Variants in AKR1C2 observed in about 807,000 individuals in gnomAD.
AKR1C2 encodes aldo-keto reductase family 1 member C2, also known as 3-alpha-HSD3.
Under a neutral mutation model 39.8 loss-of-function variants are expected in AKR1C2, and 27 were observed. The ratio of observed to expected loss-of-function variants is 0.68; its 90% CI spans 0.50 to 0.93. The LOEUF (loss-of-function observed/expected upper bound fraction) is 0.93. Among genes scored for constraint, AKR1C2 ranks in the 40% least tolerant of loss-of-function variants. The probability of loss-of-function intolerance (pLI) is 0.00; values close to 1 mark genes in which losing one functional copy is unlikely to be tolerated. For missense variants in AKR1C2, 263 were observed against 365.1 expected, an observed-to-expected ratio of 0.72 and a Z score of 2.28; for synonymous variants, 114 against 137.9, an observed-to-expected ratio of 0.83 and a Z score of 1.22.
intron 1 of AKR1C2, among the ~76,000 whole-genome samples, chr10:5,010,848 A>G (rs1172916888): frequency 2.0e-5 from 3 of 152,214 alleles, no homozygotes; most frequent in Admixed American, 1.3e-4. Flanking sequence ...AACTGGAAAT[A>G]AATCAAAGTC....
Position 5,002,470 on chromosome 10 carries a change from G to A in AKR1C2, c.85-789C>T, listed in dbSNP as rs140144784. Among the ~76,000 whole-genome samples the A allele has an allele frequency of 2.4e-4, 36 of 152,276 alleles. No individual in the cohort carries two copies. In the East Asian group the frequency reaches 6.6e-3, roughly 28 times the overall value. ...GTCTGCATAACAGAACCAAATACTA[G>A]GAGTAAAGATGTATACTCTAAGGAT... On this transcript the variant is annotated intron_variant, in intron 1 of 8. Coordinates refer to ENST00000380753, the MANE Select transcript of AKR1C2 (RefSeq NM_001393392.1).
chr10:5,006,954 A>G (rs569498155), upstream of AKR1C2, among the ~76,000 whole-genome samples: 21 of 150,654 alleles, frequency 1.4e-4, no homozygotes, highest in East Asian at 4.1e-3. Flanking sequence ...TTGTATTTTT[A>G]GTAGAGACAG....
intron 1 of AKR1C2, among the ~76,000 whole-genome samples, chr10:5,013,875 T>G (rs1371513368): frequency 6.6e-6 from 1 of 152,196 alleles, no homozygotes; most frequent in African/African-American, 2.4e-5. Flanking sequence ...TCCCTTTATT[T>G]CATCCTCTGG....
At chr10:5,007,727 A>C (rs1554774557), upstream of AKR1C2, among the ~76,000 whole-genome samples, 1 of 151,596 alleles carries the variant, frequency 6.6e-6, no homozygotes, top group African/African-American at 2.4e-5. Context: ...TAAATGTCTA[A>C]AATGCAAAGA....
Position 4,995,774 on chromosome 10 carries a change from G to A in AKR1C2, c.662C>T (p.Ser221Phe). The A allele has an allele frequency of 6.2e-7, 1 of 1,611,488 alleles. No homozygotes were observed. The highest frequency in any genetic ancestry group is 8.5e-7 in the Non-Finnish European group (1 of 1,179,382). ...TTATTACCATGGTTCTTCTCGATGGGATCCCAGAGCACTATAGGCAACCAG... is the reference window on the plus strand; with the variant it reads ...TTATTACCATGGTTCTTCTCGATGGAATCCCAGAGCACTATAGGCAACCAG... ...IVLVAYSALG[S>F]HREEPWVDPN... Residue 221 changes from serine to phenylalanine, a missense_variant, in exon 6 of 9, where the codon TCC (serine) becomes TTC (phenylalanine). Transcript: ENST00000380753.
At chr10:5,002,384 G>A (rs1469013531) in intron 1 of AKR1C2, among the ~76,000 whole-genome samples, 2 of 152,200 alleles carry the variant, frequency 1.3e-5, no homozygotes, top group African/African-American at 2.4e-5. Context: ...TTGGAAATAG[G>A]CACATCTATG....
At chr10:5,003,671 G>A in intron 1 of AKR1C2, 81 bp downstream of exon 1, 3 of 1,352,016 alleles carry the variant, frequency 2.2e-6, no homozygotes, top group Non-Finnish European at 3.2e-6. Flanking sequence ...GAGTAACATA[G>A]GAACACAAGC....
intron 2 of AKR1C2, 64 bp downstream of exon 2, chr10:5,001,450 A>G: frequency 6.4e-7 from 1 of 1,561,286 alleles, no homozygotes; most frequent in South Asian, 1.3e-5. Flanking sequence ...CCAGTCATAG[A>G]ACTGCCACCT....
At chr10:5,015,529 C>A (rs1302835511) in intron 1 of AKR1C2, among the ~76,000 whole-genome samples, 3 of 152,098 alleles carry the variant, frequency 2.0e-5, no homozygotes, top group East Asian at 1.9e-4. Context: ...TGGTACAGCC[C>A]AATTACATCC....
At chr10:5,015,115 G>A (rs1280831662) in intron 1 of AKR1C2, 4 of 152,182 alleles carry the variant, frequency 2.6e-5, no homozygotes, top group African/African-American at 9.7e-5. Context: ...TGGTCGCCTG[G>A]AAGACTCTTG....
upstream of AKR1C2, among the ~76,000 whole-genome samples, chr10:5,004,356 G>T (rs201890753): frequency 5.4e-3 from 823 of 152,234 alleles, 5 homozygotes; most frequent in South Asian, 0.011. Context: ...TTAAATGCAT[G>T]ACTTTTTTTC....
At chr10:5,015,389 T>C (rs781894659) in intron 1 of AKR1C2, among the ~76,000 whole-genome samples, 7 of 152,228 alleles carry the variant, frequency 4.6e-5, no homozygotes, top group Non-Finnish European at 7.3e-5. Flanking sequence ...TTGACAGTTA[T>C]GTCCCAAATT....
chr10:5,001,671 C>A lies in AKR1C2; in HGVS notation c.95G>T (p.Ser32Ile). 6.2e-7 allele frequency: 1 copy of A among 1,613,758 alleles called. No homozygotes were observed. The highest frequency in any genetic ancestry group is 1.3e-5 in the African/African-American group (1 of 75,006). The change falls in exon 2 of 9, where the codon AGT (serine) becomes ATT (isoleucine). Residue 32 changes from serine to isoleucine, a missense_variant. Physicochemically the swap from Ser to Ile is moderately radical, Grantham distance 142. Coordinates refer to ENST00000380753, the MANE Select transcript of AKR1C2 (RefSeq NM_001393392.1). ...CAATTTGACGGCCTCTAGAGCTTTA[C>A]TTTTAGGAACCTGGGGGAGCAACCA... Reference protein sequence around the residue: ...GTYAPAEVPKSKALEAVKLAI... With the variant: ...GTYAPAEVPKIKALEAVKLAI...
chr10:4,997,728 C>T (rs552747255), intron 5 of AKR1C2, among the ~76,000 whole-genome samples: 1 of 152,062 alleles, frequency 6.6e-6, no homozygotes, highest in East Asian at 1.9e-4. Flanking sequence ...ATCACAGCAC[C>T]ATATCATTAT....
upstream of AKR1C2, among the ~76,000 whole-genome samples, chr10:5,008,723 TC>T (rs1324859033): frequency 6.6e-6 from 1 of 152,234 alleles, no homozygotes; most frequent in African/African-American, 2.4e-5. Context: ...TAAAGAACAC[TC>T]ATGTGCCTCA....
chr10:5,011,562 G>A (rs1258138235), intron 1 of AKR1C2, among the ~76,000 whole-genome samples: 5 of 152,220 alleles, frequency 3.3e-5, no homozygotes, highest in Non-Finnish European at 5.9e-5. Flanking sequence ...AGGGCAATTT[G>A]ATCTGGCTGC....
chr10:5,003,403 C>T (rs1373669785), intron 1 of AKR1C2, among the ~76,000 whole-genome samples: 1 of 151,654 alleles, frequency 6.6e-6, no homozygotes, highest in South Asian at 2.1e-4. Context: ...CATAAAAATT[C>T]CTCTGAATTG....
chr10:4,996,109 C>T (rs1837027930), intron 5 of AKR1C2: 1 of 654,526 alleles, frequency 1.5e-6, no homozygotes, highest in Admixed American at 4.0e-5. Flanking sequence ...ACTCCGACCA[C>T]TAGAAGGAGA....
At chr10:5,015,065 G>A (rs187775564) in intron 1 of AKR1C2, 2 of 152,304 alleles carry the variant, frequency 1.3e-5, no homozygotes, top group African/African-American at 4.8e-5. Context: ...TCCACAAAGA[G>A]CATCCAGTCT....
Sources: gnomAD v4.1 joint callset for allele counts (sites outside exome capture counted in the v4.1 genomes callset) on GRCh38, gnomAD v4.1.1 for gene constraint, MANE v1.5 for transcripts, NCBI Gene and HGNC (gene_info 2026-07-23, HGNC 2026-07-21) for gene names.